The following EMC3 variants were observed in gnomAD, a reference collection of about 807,000 sequenced individuals.
EMC3 encodes the protein ER membrane protein complex subunit 3.
A neutral mutation model predicts 36.6 loss-of-function variants in EMC3; 13 were observed. That is an observed-to-expected ratio of 0.35 (90% CI 0.23 to 0.56). The LOEUF (loss-of-function observed/expected upper bound fraction) is 0.56, where lower values mean the gene tolerates loss of function less well. EMC3 is among the 20% of genes least tolerant of loss of function. EMC3 has a pLI of 0.84. For missense variants in EMC3, 220 were observed against 324.5 expected (o/e 0.68, Z 2.47); for synonymous variants, 120 against 111.9 (o/e 1.07, Z -0.46).
chr3:9,963,469 A>ATTTTTTTT lies in EMC3; in HGVS notation c.*599_*600insAAAAAAAA, dbSNP rs1559347865. The ATTTTTTTT allele has an allele frequency of 9.4e-6, 1 of 106,928 alleles. No individual in the cohort carries two copies. The highest frequency in any genetic ancestry group is 3.8e-5 in the African/African-American group (1 of 26,440). The allele number at this position is 106,928 out of a possible 1,614,324, so 6.6% of individuals were successfully genotyped here. On this transcript the variant is annotated 3_prime_UTR_variant, in exon 8 of 8. Transcript: ENST00000245046. ...TGCTAAGATAGATATATATATATAT[A>ATTTTTTTT]TATATATATTTTTTTTTTTTTTTCA...
chr3:9,988,055 C>G (rs3806665), upstream of EMC3: 7 of 646,190 alleles, frequency 1.1e-5, no homozygotes, highest in East Asian at 2.1e-4. Flanking sequence ...CATAGGATGT[C>G]ACAGTTCTCT....
At chr3:10,002,627 C>A (rs898975861) in intron 1 of EMC3, 3 of 371,372 alleles carry the variant, frequency 8.1e-6, no homozygotes, top group African/African-American at 4.2e-5. Context: ...GTGGCCTCCC[C>A]CTCCACCCAG....
chr3:9,966,107 T>C (rs1308746113), intron 7 of EMC3, among the ~76,000 whole-genome samples: 4 of 152,226 alleles, frequency 2.6e-5, no homozygotes, highest in African/African-American at 9.6e-5. Context: ...TTTTCCAAAG[T>C]GGCTGTACCA....
At chr3:10,010,515 C>T (rs1419563442) in intron 1 of EMC3, 1 of 152,700 alleles carries the variant, frequency 6.5e-6, no homozygotes, top group Non-Finnish European at 1.5e-5. Flanking sequence ...TAGGTCACCC[C>T]CATCTTCCAC....
At chr3:9,996,945 T>C (rs963643332) in intron 1 of EMC3, among the ~76,000 whole-genome samples, 6 of 152,210 alleles carry the variant, frequency 3.9e-5, no homozygotes, top group African/African-American at 1.4e-4. Flanking sequence ...TAACGTAAAA[T>C]ATACCATTTA....
chr3:10,002,900 C>G, intron 1 of EMC3: 1 of 456,756 alleles, frequency 2.2e-6, no homozygotes, highest in Non-Finnish European at 4.4e-6. Context: ...ATGGCCTTCC[C>G]CTCCACCCAG....
intron 1 of EMC3, chr3:10,000,992 C>T: frequency 3.7e-6 from 1 of 270,114 alleles, no homozygotes; most frequent in Non-Finnish European, 7.9e-6. Context: ...GGTTGCCACT[C>T]CAAAGCCGGA....
At position 9,976,831 on chromosome 3, in the gene EMC3, G is replaced by A; in HGVS notation, c.307+126C>T. On this transcript the variant is annotated intron_variant, in intron 3 of 7. Transcript: ENST00000245046. ...ATCCCTGTATCAGATGATTTCTAAG[G>A]TCTAAGATTACTATCTTTTGCAATT... 6 of 707,942 alleles carry A rather than the reference G, an allele frequency of 8.5e-6. No individual in the cohort carries two copies. In the East Asian group the frequency reaches 1.2e-4, roughly 15 times the overall value. The allele number at this position is 707,942 out of a possible 1,614,324, so 43.9% of individuals were successfully genotyped here.
At chr3:9,967,656 T>C (rs1269642021) in intron 7 of EMC3, among the ~76,000 whole-genome samples, 2 of 152,250 alleles carry the variant, frequency 1.3e-5, no homozygotes, top group South Asian at 2.1e-4. Context: ...GTGTAAGTTA[T>C]TCAATTTTGC....
Position 9,970,361 on chromosome 3 carries a change from G to A in EMC3, c.574+221C>T, listed in dbSNP as rs1025122138. Reference sequence around the variant, plus strand: ...CTCACATGATGGTATCAGACTCTGGGGAATCAAAATACTGTCCCAGTCATT... The same window carrying A: ...CTCACATGATGGTATCAGACTCTGGAGAATCAAAATACTGTCCCAGTCATT... On this transcript the variant is annotated intron_variant, in intron 6 of 7. Transcript: ENST00000245046. Among the ~76,000 whole-genome samples the A allele has an allele frequency of 2.0e-5, 3 of 152,040 alleles. No individual in the cohort carries two copies. The East Asian group carries it at 5.8e-4, about 29-fold the overall frequency.
chr3:10,001,527 G>A (rs1479687760), intron 1 of EMC3, among the ~76,000 whole-genome samples: 2 of 151,318 alleles, frequency 1.3e-5, no homozygotes, highest in African/African-American at 4.9e-5. Flanking sequence ...GCAGTGAGCC[G>A]AGATTGTGCC....
In EMC3 at chr3:9,992,746, A is replaced by G. The variant is rs2086070313; in HGVS notation, c.-241-5844T>C. On this transcript the variant is annotated intron_variant, in intron 1 of 8. Coordinates refer to the EMC3 transcript ENST00000470827. ...TCTGGGTTTTGTGAAAAGTGTAGAT[A>G]CTACCAGGGGAGTGTGTGGAACAAA... 2 of 643,888 alleles carry G rather than the reference A, an allele frequency of 3.1e-6. 1 individual carries two copies. Among genetic ancestry groups the G allele is most frequent in the South Asian group, 4.1e-5 (2 of 48,730 alleles). The allele number at this position is 643,888 out of a possible 1,614,324, so 39.9% of individuals were successfully genotyped here. A position where few individuals can be genotyped will look rare whatever the true frequency, so the allele number is the denominator to read the frequency against.
At chr3:9,966,866 G>A (rs112570378) in intron 7 of EMC3, among the ~76,000 whole-genome samples, 14 of 152,210 alleles carry the variant, frequency 9.2e-5, no homozygotes, top group South Asian at 2.1e-4. Context: ...AAGCCACTGC[G>A]CCCAGCCAAA....
rs2085838965 is a variant in EMC3, at chr3:9,975,602, G to A, written c.308-1114C>T. On this transcript the variant is annotated intron_variant, in intron 3 of 7. Transcript: ENST00000245046. ...CCAAGGCGGGCGGATCACGAGGTCA[G>A]GAGATGGAGACCATCCTGGCTAACA... Among the ~76,000 whole-genome samples, 3 of 151,850 alleles carry A rather than the reference G, an allele frequency of 2.0e-5. No individual in the cohort carries two copies. The South Asian group carries it at 6.2e-4, about 31-fold the overall frequency.
intron 1 of EMC3, among the ~76,000 whole-genome samples, chr3:10,000,367 C>T (rs562548995): frequency 6.6e-6 from 1 of 152,244 alleles, no homozygotes; most frequent in South Asian, 2.1e-4. Flanking sequence ...TGGCACTCAC[C>T]ATCTTTGTGA....
chr3:9,988,385 C>T (rs1400580531), upstream of EMC3: 1 of 1,244,026 alleles, frequency 8.0e-7, no homozygotes, highest in Non-Finnish European at 1.2e-6. Context: ...CTCAGGAAAT[C>T]AAGAAAGCAG....
intron 1 of EMC3, among the ~76,000 whole-genome samples, chr3:10,000,315 C>T (rs1289948802): frequency 6.6e-6 from 1 of 152,194 alleles, no homozygotes; most frequent in African/African-American, 2.4e-5. Flanking sequence ...GCTAGGATTA[C>T]AGGCATGAGC....
chr3:9,964,320 C>A, intron 7 of EMC3, 123 bp from the exon 8 acceptor site: 1 of 1,433,036 alleles, frequency 7.0e-7, no homozygotes, highest in East Asian at 2.5e-5. Flanking sequence ...TGTATAAGCT[C>A]ATTCAATCCT....
intron 1 of EMC3, chr3:10,008,629 A>G (rs1003730537): frequency 4.6e-5 from 18 of 389,624 alleles, no homozygotes; most frequent in Middle Eastern, 9.9e-4. Flanking sequence ...CTGAAGAGAG[A>G]TCAAGTAGCA....
Sources: allele counts gnomAD v4.1 joint callset (sites outside exome capture counted in the v4.1 genomes callset), GRCh38; gene constraint gnomAD v4.1.1; transcripts MANE v1.5; gene names NCBI Gene and HGNC (gene_info 2026-07-23, HGNC 2026-07-21).